The following NKAIN3 variants were observed in gnomAD, a reference collection of about 807,000 sequenced individuals.
The protein encoded by NKAIN3 is sodium/potassium transporting ATPase interacting 3, also known as sodium/potassium-transporting ATPase subunit beta-1-interacting protein 3.
A neutral mutation model predicts 30.2 loss-of-function variants in NKAIN3; 25 were observed. The observed-to-expected ratio is 0.83, with a 90% confidence interval of 0.60 to 1.16. NKAIN3 has a LOEUF of 1.16. NKAIN3 is among the 50% of genes most tolerant of loss of function. NKAIN3 has a pLI of 0.00. For missense variants in NKAIN3, 225 were observed against 254.1 expected (o/e 0.89, Z 0.78); for synonymous variants, 91 against 89.6 (o/e 1.02, Z -0.09).
chr8:62,922,981 C>T (rs1299405547), intron 5 of NKAIN3, among the ~76,000 whole-genome samples: 2 of 152,040 alleles, frequency 1.3e-5, no homozygotes, highest in African/African-American at 4.8e-5. Flanking sequence ...AGAAAAATGC[C>T]TTGTATGTAG....
At chr8:62,298,449 C>G (rs1297884433) in intron 1 of NKAIN3, among the ~76,000 whole-genome samples, 1 of 152,078 alleles carries the variant, frequency 6.6e-6, no homozygotes, top group East Asian at 1.9e-4. Flanking sequence ...TCAACCCTAC[C>G]AACTACTTCC....
At chr8:62,501,439 A>G (rs374554798) in intron 1 of NKAIN3, among the ~76,000 whole-genome samples, 2 of 151,806 alleles carry the variant, frequency 1.3e-5, no homozygotes, top group African/African-American at 2.4e-5. Flanking sequence ...GCTATGTTTC[A>G]TTTGCTTTCT....
intron 1 of NKAIN3, among the ~76,000 whole-genome samples, chr8:62,556,943 T>G (rs927041434): frequency 6.6e-6 from 1 of 151,926 alleles, no homozygotes; most frequent in African/African-American, 2.4e-5. Context: ...ACTTTTAAAT[T>G]TTTTTTTATT....
intron 1 of NKAIN3, among the ~76,000 whole-genome samples, chr8:62,397,861 A>T (rs2129595038): frequency 6.6e-6 from 1 of 152,296 alleles, no homozygotes; most frequent in East Asian, 1.9e-4. Context: ...GATGTGGGAA[A>T]CACAGAACTT....
chr8:62,454,588 A>G (rs1437387679), intron 1 of NKAIN3, among the ~76,000 whole-genome samples: 2 of 152,068 alleles, frequency 1.3e-5, no homozygotes, highest in East Asian at 3.8e-4. Context: ...CTGCAACTTA[A>G]TTAAAACACT....
At chr8:62,752,545 C>T (rs1291628960) in intron 4 of NKAIN3, among the ~76,000 whole-genome samples, 2 of 152,280 alleles carry the variant, frequency 1.3e-5, no homozygotes, top group African/African-American at 4.8e-5. Context: ...TCTTTCCTAC[C>T]TGTGCCTCAC....
intron 1 of NKAIN3, among the ~76,000 whole-genome samples, chr8:62,488,051 A>G (rs1806955289): frequency 6.6e-6 from 1 of 152,156 alleles, no homozygotes; most frequent in Admixed American, 6.6e-5. Context: ...TTAAAATCTA[A>G]TTTTTAATTT....
In NKAIN3 at chr8:62,984,749, C is replaced by T. The variant is rs1440195600; in HGVS notation, c.*19342C>T. ...GTGCATATAATGCCTGTATATTATA[C>T]TCATATTTGAAAGTGATCAGAAAGT... On this transcript the variant is annotated 3_prime_UTR_variant, in exon 7 of 7. Coordinates refer to ENST00000623646, the MANE Select transcript of NKAIN3 (RefSeq NM_001304533.3). 6.6e-6 allele frequency: 1 copy of T among 152,162 alleles called. No individual in the cohort carries two copies. Among genetic ancestry groups the T allele is most frequent in the Non-Finnish European group, 1.5e-5 (1 of 68,036 alleles). 9.4% of individuals were successfully genotyped at this position (152,162 alleles called of 1,614,324 possible).
intron 1 of NKAIN3, among the ~76,000 whole-genome samples, chr8:62,559,116 GA>G (rs1471881599): frequency 6.6e-6 from 1 of 151,916 alleles, no homozygotes; most frequent in Non-Finnish European, 1.5e-5. Flanking sequence ...ATATTTTATA[GA>G]AATTGAAAAG....
intron 5 of NKAIN3, among the ~76,000 whole-genome samples, chr8:62,993,252 G>A (rs56107503): frequency 0.096 from 14,523 of 152,050 alleles, 832 homozygotes; most frequent in East Asian, 0.21. Context: ...AAAAAGAAAA[G>A]GAAATAGAAT....
intron 1 of NKAIN3, among the ~76,000 whole-genome samples, chr8:62,485,452 G>GA (rs1345500118): frequency 6.6e-6 from 1 of 152,170 alleles, no homozygotes; most frequent in Non-Finnish European, 1.5e-5. Flanking sequence ...TCCTTCAGTA[G>GA]ATGTTATTGT....
intron 1 of NKAIN3, among the ~76,000 whole-genome samples, chr8:62,559,769 T>C (rs868303484): frequency 3.9e-5 from 6 of 152,108 alleles, no homozygotes; most frequent in Non-Finnish European, 8.8e-5. Flanking sequence ...CAGATGGCAT[T>C]ATCAATTTTG....
intron 1 of NKAIN3, among the ~76,000 whole-genome samples, chr8:62,277,192 T>A (rs1480619974): frequency 6.6e-6 from 1 of 152,214 alleles, no homozygotes; most frequent in Non-Finnish European, 1.5e-5. Context: ...TTCAGCTACA[T>A]TTTTAATGAA....
chr8:62,320,637 CT>C (rs1024636726), intron 1 of NKAIN3, among the ~76,000 whole-genome samples: 17 of 152,282 alleles, frequency 1.1e-4, no homozygotes, highest in East Asian at 5.8e-4. Context: ...AAATTCTTTT[CT>C]TTAAGAATGT....
intron 5 of NKAIN3, among the ~76,000 whole-genome samples, chr8:62,994,208 C>T (rs577144102): frequency 2.6e-5 from 4 of 152,294 alleles, no homozygotes; most frequent in African/African-American, 9.6e-5. Context: ...TTAGAAACAA[C>T]CCAAATGCCT....
chr8:62,415,264 AC>A (rs535734557), intron 1 of NKAIN3, among the ~76,000 whole-genome samples: 160 of 144,098 alleles, frequency 1.1e-3, no homozygotes, highest in African/African-American at 4.0e-3. Flanking sequence ...AATATAATAT[AC>A]ACTATAGTAT....
chr8:62,570,869 G>C (rs1018370742), intron 1 of NKAIN3, among the ~76,000 whole-genome samples: 2 of 152,140 alleles, frequency 1.3e-5, no homozygotes, highest in African/African-American at 4.8e-5. Flanking sequence ...CAATGAAAAA[G>C]ATTAAAACAG....
chr8:62,717,185 G>A (rs1315138505), intron 3 of NKAIN3, among the ~76,000 whole-genome samples: 1 of 152,184 alleles, frequency 6.6e-6, no homozygotes, highest in Non-Finnish European at 1.5e-5. Flanking sequence ...TCACAATTCA[G>A]TAAGTAATCA....
At chr8:62,704,828 G>A (rs1228517296) in intron 3 of NKAIN3, among the ~76,000 whole-genome samples, 1 of 150,946 alleles carries the variant, frequency 6.6e-6, no homozygotes, top group Non-Finnish European at 1.5e-5. Flanking sequence ...TTTCTTGATA[G>A]TGTTGGCGCT....
Sources: allele counts gnomAD v4.1 joint callset (sites outside exome capture counted in the v4.1 genomes callset), GRCh38; gene constraint gnomAD v4.1.1; transcripts MANE v1.5; gene names NCBI Gene and HGNC (gene_info 2026-07-23, HGNC 2026-07-21).